AGMO: variants seen among roughly 807,000 people sequenced by gnomAD.
The protein encoded by AGMO is alkylglycerol monooxygenase, also known as glyceryl-ether monooxygenase.
Under a neutral mutation model 60.2 loss-of-function variants are expected in AGMO, and 75 were observed. The observed-to-expected ratio is 1.25, with a 90% CI of 1.03 to 1.51. The LOEUF (loss-of-function observed/expected upper bound fraction) is 1.51, where lower values mean the gene tolerates loss of function less well. Ranked by LOEUF, AGMO falls within the 40% of genes most tolerant of loss-of-function variation. The pLI, the probability that AGMO is intolerant of heterozygous loss-of-function variation, is 0.00. For synonymous variants in AGMO, 261 were observed against 177.1 expected (o/e 1.47, Z -3.76); for missense variants, 763 against 525.5 (o/e 1.45, Z -4.42).
intron 12 of AGMO, among the ~76,000 whole-genome samples, chr7:15,239,982 A>C (rs1782541548): frequency 6.6e-6 from 1 of 152,046 alleles, no homozygotes; most frequent in East Asian, 1.9e-4. Flanking sequence ...TTGTTGCTTT[A>C]TCTTTTGTCA....
At chr7:15,372,187 A>G (rs1042147153) in intron 10 of AGMO, among the ~76,000 whole-genome samples, 35 of 152,236 alleles carry the variant, frequency 2.3e-4, no homozygotes, top group African/African-American at 7.7e-4. Context: ...GTGGTGGCTC[A>G]TGCGTGTAAT....
chr7:15,387,662 T>C lies in AGMO; in HGVS notation c.823-122A>G. ...TACGTATTTAAAACGTTATGCCTGA[T>C]TAGAGCAACAGAAATGTGTAATTGC... On this transcript the variant is annotated intron_variant, in intron 8 of 12. Coordinates refer to ENST00000342526, the MANE Select transcript of AGMO (RefSeq NM_001004320.2). 3 of 804,910 alleles carry C rather than the reference T, an allele frequency of 3.7e-6. No homozygotes were observed. In the South Asian group the frequency reaches 5.8e-5, roughly 16 times the overall value. 49.9% of individuals were successfully genotyped at this position (804,910 alleles called of 1,614,324 possible).
chr7:15,509,495 T>C (rs912256757), intron 3 of AGMO, among the ~76,000 whole-genome samples: 5 of 152,014 alleles, frequency 3.3e-5, no homozygotes, highest in African/African-American at 9.7e-5. Flanking sequence ...AGAAAACATA[T>C]GGGGAAAGTT....
the AGMO span, among the ~76,000 whole-genome samples, chr7:15,160,808 G>A: frequency 6.6e-6 from 1 of 152,240 alleles, no homozygotes; most frequent in Middle Eastern, 3.4e-3. Context: ...TTTTTTAGAT[G>A]AGATTTATCT....
At chr7:15,347,087 C>CT (rs1262503267) in intron 12 of AGMO, among the ~76,000 whole-genome samples, 4 of 151,936 alleles carry the variant, frequency 2.6e-5, no homozygotes, top group African/African-American at 9.7e-5. Context: ...ATGAATCAAA[C>CT]TTTAAATGAC....
At chr7:15,556,719 A>C (rs766372456) in intron 2 of AGMO, among the ~76,000 whole-genome samples, 12 of 152,140 alleles carry the variant, frequency 7.9e-5, no homozygotes, top group Non-Finnish European at 1.3e-4. Context: ...ACGTTTGCTT[A>C]AACAATAGAT....
intron 3 of AGMO, among the ~76,000 whole-genome samples, chr7:15,519,217 G>A (rs1783910641): frequency 6.6e-6 from 1 of 150,882 alleles, no homozygotes; most frequent in Admixed American, 6.6e-5. Context: ...GTGATAAGAA[G>A]AATGGAAAAC....
chr7:15,465,733 C>A (rs1344351979), intron 3 of AGMO, among the ~76,000 whole-genome samples: 2 of 151,674 alleles, frequency 1.3e-5, no homozygotes, highest in Non-Finnish European at 2.9e-5. Flanking sequence ...GGCGTGAGCA[C>A]CACACCTAAG....
At chr7:15,351,149 A>T (rs370446457) in intron 12 of AGMO, among the ~76,000 whole-genome samples, 1 of 152,116 alleles carries the variant, frequency 6.6e-6, no homozygotes, top group South Asian at 2.1e-4. Context: ...AGCAGGTAGT[A>T]ATCTTCATTC....
the AGMO span, among the ~76,000 whole-genome samples, chr7:15,164,580 T>C: frequency 6.6e-6 from 1 of 152,018 alleles, no homozygotes; most frequent in Non-Finnish European, 1.5e-5. Context: ...GAACAGACAA[T>C]TCTTAAAAGA....
At chr7:15,377,711 T>C (rs1783508484) in intron 10 of AGMO, among the ~76,000 whole-genome samples, 1 of 152,090 alleles carries the variant, frequency 6.6e-6, no homozygotes, top group Admixed American at 6.6e-5. Context: ...CTGGCTTTTC[T>C]TTTGGTCTCA....
At chr7:15,492,243 C>G (rs1448005741) in intron 3 of AGMO, among the ~76,000 whole-genome samples, 1 of 151,818 alleles carries the variant, frequency 6.6e-6, no homozygotes, top group Non-Finnish European at 1.5e-5. Flanking sequence ...GCCACCTACC[C>G]TATATCCAGA....
At chr7:15,268,692 T>C (rs898064782) in intron 12 of AGMO, among the ~76,000 whole-genome samples, 1 of 151,990 alleles carries the variant, frequency 6.6e-6, no homozygotes, top group Non-Finnish European at 1.5e-5. Context: ...AATAAAGTTG[T>C]TCTTTTTTTA....
chr7:15,346,126 G>T (rs562925311), intron 12 of AGMO, among the ~76,000 whole-genome samples: 3 of 152,082 alleles, frequency 2.0e-5, no homozygotes, highest in Non-Finnish European at 2.9e-5. Context: ...GTTAAATTCA[G>T]ATAAGTTTTG....
At chr7:15,489,081 C>G (rs568305804) in intron 3 of AGMO, among the ~76,000 whole-genome samples, 2 of 152,214 alleles carry the variant, frequency 1.3e-5, no homozygotes, top group East Asian at 3.9e-4. Flanking sequence ...CTAGTATGAA[C>G]ACTGCCATAA....
rs181951522 is a variant in AGMO at position 15,384,091 on chromosome 7, T to C, written c.1074+1355A>G. ...GCTGGGACTACAGGGCCCGCCACCATGCCTGGCTACTTATTTTTGTATTTT... is the reference window on the plus strand; with the variant it reads ...GCTGGGACTACAGGGCCCGCCACCACGCCTGGCTACTTATTTTTGTATTTT... On this transcript the variant is annotated intron_variant, in intron 10 of 12. Transcript: ENST00000342526. Among the ~76,000 whole-genome samples the C allele has an allele frequency of 2.6e-4, 40 of 152,190 alleles. 1 individual carries two copies. The Middle Eastern group carries it at 0.024, about 91-fold the overall frequency.
intron 3 of AGMO, among the ~76,000 whole-genome samples, chr7:15,490,182 G>A (rs184619100): frequency 6.6e-6 from 1 of 152,246 alleles, no homozygotes; most frequent in Non-Finnish European, 1.5e-5. Context: ...GATGGGAAAA[G>A]CTTGCTCATT....
At chr7:15,432,010 G>A (rs1407083619) in intron 3 of AGMO, among the ~76,000 whole-genome samples, 2 of 151,364 alleles carry the variant, frequency 1.3e-5, no homozygotes, top group Admixed American at 6.6e-5. Flanking sequence ...ATTATAGATC[G>A]AAATGTCACA....
At chr7:15,347,537 G>A (rs1583436496) in intron 12 of AGMO, among the ~76,000 whole-genome samples, 1 of 151,808 alleles carries the variant, frequency 6.6e-6, no homozygotes, top group Non-Finnish European at 1.5e-5. Context: ...ATGTCTTATA[G>A]CTTAAAATAA....
Sources: gnomAD v4.1 joint callset for allele counts (sites outside exome capture counted in the v4.1 genomes callset) on GRCh38, gnomAD v4.1.1 for gene constraint, MANE v1.5 for transcripts, NCBI Gene and HGNC (gene_info 2026-07-23, HGNC 2026-07-21) for gene names.